DYNAP: variants seen among roughly 807,000 people sequenced by gnomAD.
The protein encoded by DYNAP is dynactin-associated protein.
A neutral mutation model predicts 8.5 loss-of-function variants in DYNAP; 7 were observed. The ratio of observed to expected loss-of-function variants is 0.82; its 90% CI spans 0.47 to 1.54. DYNAP has a LOEUF of 1.54. Among genes scored for constraint, DYNAP ranks in the 40% most tolerant of loss-of-function variants. The pLI is 0.01. For missense variants in DYNAP, 256 were observed against 224.3 expected (o/e 1.14, Z -0.90); for synonymous variants, 77 against 77.9 (o/e 0.99, Z 0.06).
At chr18:54,582,013 G>A in the DYNAP span, among the ~76,000 whole-genome samples, 2 of 152,116 alleles carry the variant, frequency 1.3e-5, no homozygotes, top group African/African-American at 2.4e-5. Flanking sequence ...CCGGCCGGGC[G>A]CGATGGCTCA....
chr18:54,584,486 G>A (rs1385096624), upstream of DYNAP, among the ~76,000 whole-genome samples: 1 of 152,004 alleles, frequency 6.6e-6, no homozygotes, highest in Non-Finnish European at 1.5e-5. Flanking sequence ...AAGTGTCCAT[G>A]TAATTGAGTT....
At chr18:54,577,529 C>T in the DYNAP span, among the ~76,000 whole-genome samples, 5 of 147,510 alleles carry the variant, frequency 3.4e-5, no homozygotes, top group East Asian at 2.0e-4. Context: ...TACAGTGAAC[C>T]GTGATTGCAC....
At chr18:54,577,602 CAAAAAAA>C in the DYNAP span, among the ~76,000 whole-genome samples, 8 of 66,314 alleles carry the variant, frequency 1.2e-4, no homozygotes, top group Admixed American at 1.3e-3. Flanking sequence ...AATCTTGTTT[CAAAAAAA>C]AAAAAAAAAA....
chr18:54,580,468 C>T, the DYNAP span, among the ~76,000 whole-genome samples: 1 of 152,160 alleles, frequency 6.6e-6, no homozygotes, highest in Admixed American at 6.6e-5. Context: ...TTACAGCTAC[C>T]ACTATTTCAG....
At chr18:54,597,732 A>G (rs1911357913) in intron 2 of DYNAP, 81 bp from the exon 3 acceptor site, 1 of 1,393,738 alleles carries the variant, frequency 7.2e-7, no homozygotes, top group Non-Finnish European at 9.7e-7. Context: ...TTAACCCAAT[A>G]AGTTATAAGT....
the DYNAP span, among the ~76,000 whole-genome samples, chr18:54,579,519 A>G: frequency 6.6e-6 from 1 of 152,232 alleles, no homozygotes; most frequent in Admixed American, 6.5e-5. Context: ...TCTTGCCTTG[A>G]TAAAAGAAAC....
In DYNAP at chr18:54,598,979, T is replaced by C. The variant is rs1911426500; in HGVS notation, c.*834T>C. Reference sequence around the variant, plus strand: ...ATGGATCTCAGGTCTTCAGATAAACTAAACCAATTGTCAACCAGAACATGT... The same window carrying C: ...ATGGATCTCAGGTCTTCAGATAAACCAAACCAATTGTCAACCAGAACATGT... On this transcript the variant is annotated 3_prime_UTR_variant, in exon 3 of 3. Transcript: ENST00000648945. 6.6e-6 allele frequency: 1 copy of C among 152,164 alleles called. No homozygotes were observed. The highest frequency in any genetic ancestry group is 6.6e-5 in the Admixed American group (1 of 15,246). The allele number at this position is 152,164 out of a possible 1,614,324, so 9.4% of individuals were successfully genotyped here. A position where few individuals can be genotyped will look rare whatever the true frequency, so the allele number is the denominator to read the frequency against.
chr18:54,585,393 T>G (rs1285922841), upstream of DYNAP, among the ~76,000 whole-genome samples: 1 of 152,134 alleles, frequency 6.6e-6, no homozygotes, highest in African/African-American at 2.4e-5. Context: ...CTATGTAATC[T>G]AGTTAATACC....
At chr18:54,592,888 G>C (rs1447873152) in intron 1 of DYNAP, among the ~76,000 whole-genome samples, 1 of 152,048 alleles carries the variant, frequency 6.6e-6, no homozygotes, top group East Asian at 1.9e-4. Flanking sequence ...AGAAAATTCT[G>C]GGAAACTGCC....
At chr18:54,589,900 C>T (rs1911004790), upstream of DYNAP, among the ~76,000 whole-genome samples, 1 of 152,040 alleles carries the variant, frequency 6.6e-6, no homozygotes, top group Non-Finnish European at 1.5e-5. Flanking sequence ...ATTATTGACA[C>T]CTTCAACCCA....
intron 2 of DYNAP, among the ~76,000 whole-genome samples, chr18:54,595,788 G>A (rs1333238154): frequency 6.6e-6 from 1 of 152,036 alleles, no homozygotes; most frequent in East Asian, 1.9e-4. Context: ...ATATGGCTTG[G>A]CAGTTTGGTT....
Position 54,597,826 on chromosome 18 carries a change from G to C in DYNAP, c.236G>C (p.Cys79Ser), listed in dbSNP as rs538976948. 1 of 1,605,690 alleles carries C rather than the reference G, an allele frequency of 6.2e-7. No individual in the cohort carries two copies. The highest frequency in any genetic ancestry group is 1.3e-5 in the African/African-American group (1 of 74,828). ...ESCNTQVKEY[C>S]RNDWSMWKVF... ...ATACATGCTTAGGTAAAAGAATATT[G>C]CCGCAATGACTGGTCTATGTGGAAA... The change falls in exon 3 of 3, where the codon TGC (cysteine) becomes TCC (serine). Residue 79 changes from cysteine (C) to serine (S), a missense_variant. By Grantham distance (112) the Cys-to-Ser change is moderately radical (BLOSUM62 -1). Coordinates refer to ENST00000648945, the MANE Select transcript of DYNAP (RefSeq NM_173629.3).
chr18:54,598,359 CTT>C lies in DYNAP; in HGVS notation c.*216_*217del. 1 of 538,288 alleles carries C rather than the reference CTT, an allele frequency of 1.9e-6. No homozygotes were observed. Among genetic ancestry groups the C allele is most frequent in the Non-Finnish European group, 3.3e-6 (1 of 307,182 alleles). 33.3% of individuals were successfully genotyped at this position (538,288 alleles called of 1,614,324 possible). A position where few individuals can be genotyped will look rare whatever the true frequency, so the allele number is the denominator to read the frequency against. On this transcript the variant is annotated 3_prime_UTR_variant, in exon 3 of 3. Transcript: ENST00000648945. ...CAAATAATCACCACTTCGACCATCT[CTT>C]TGACTGAATCAACAACTACATTCCC...
chr18:54,580,018 A>C, the DYNAP span, among the ~76,000 whole-genome samples: 1 of 152,244 alleles, frequency 6.6e-6, no homozygotes, highest in South Asian at 2.1e-4. Flanking sequence ...TAGATTCAAA[A>C]AGGCAAGTTA....
At chr18:54,578,980 TAG>T in the DYNAP span, among the ~76,000 whole-genome samples, 1 of 152,044 alleles carries the variant, frequency 6.6e-6, no homozygotes, top group Non-Finnish European at 1.5e-5. Flanking sequence ...TTTGTATTTT[TAG>T]TAGAGACAGG....
chr18:54,588,010 G>A (rs1910941025), upstream of DYNAP: 3 of 391,916 alleles, frequency 7.7e-6, no homozygotes, highest in Non-Finnish European at 1.3e-5. Context: ...AAAGCTAAAA[G>A]AGAACATTCT....
the DYNAP span, among the ~76,000 whole-genome samples, chr18:54,577,963 C>CAAAAAAAAAAAAA: frequency 7.5e-6 from 1 of 132,806 alleles, no homozygotes; most frequent in Non-Finnish European, 1.6e-5. Context: ...GACTCAGCCT[C>CAAAAAAAAAAAAA]AAAAAAAAAA....
At position 54,596,746 on chromosome 18, in the gene DYNAP, A is replaced by T. The variant is rs139361368; in HGVS notation, c.223-1067A>T. Among the ~76,000 whole-genome samples, 6 of 152,232 alleles carry T rather than the reference A, an allele frequency of 3.9e-5. No individual in the cohort carries two copies. The East Asian group carries it at 1.2e-3, about 29-fold the overall frequency. On this transcript the variant is annotated intron_variant, in intron 2 of 2. Coordinates refer to ENST00000648945, the MANE Select transcript of DYNAP (RefSeq NM_173629.3). ...TTTTAAGTTTGTGTGATGCAGTATT[A>T]TAGACTCCTCTCCCAGATGTACACA...
Position 54,598,173 on chromosome 18 carries a change from C to G in DYNAP, c.*28C>G. 1 of 1,577,006 alleles carries G rather than the reference C, an allele frequency of 6.3e-7. No individual in the cohort carries two copies. Among genetic ancestry groups the G allele is most frequent in the Non-Finnish European group, 8.6e-7 (1 of 1,159,440 alleles). ...TGAACAGCCATAGCCATCACTTCAA[C>G]TGAAACTTCAACCTCTACCACTTCA... On this transcript the variant is annotated 3_prime_UTR_variant, in exon 3 of 3. Transcript: ENST00000648945.
Sources: allele counts gnomAD v4.1 joint callset (sites outside exome capture counted in the v4.1 genomes callset), GRCh38; gene constraint gnomAD v4.1.1; transcripts MANE v1.5; gene names NCBI Gene and HGNC (gene_info 2026-07-23, HGNC 2026-07-21).